LDLRAD4: variants seen among roughly 807,000 people sequenced by gnomAD.
LDLRAD4 encodes low density lipoprotein receptor class A domain containing 4.
A neutral mutation model predicts 17.0 loss-of-function variants in LDLRAD4; 5 were observed. The ratio of observed to expected loss-of-function variants is 0.29; its 90% CI spans 0.15 to 0.62. The LOEUF (loss-of-function observed/expected upper bound fraction) is 0.62, where lower values mean the gene tolerates loss of function less well. Ranked by LOEUF, LDLRAD4 falls within the 20% of genes least tolerant of loss-of-function variation. The pLI, the probability that LDLRAD4 is intolerant of heterozygous loss-of-function variation, is 0.84. For synonymous variants in LDLRAD4, 168 were observed against 171.8 expected (o/e 0.98, Z 0.17); for missense variants, 340 against 424.7 (o/e 0.80, Z 1.75).
chr18:13,636,979 A>C (rs1393310260), intron 4 of LDLRAD4, among the ~76,000 whole-genome samples: 1 of 143,992 alleles, frequency 6.9e-6, no homozygotes, highest in African/African-American at 2.6e-5. Context: ...TGTATTTTCA[A>C]TAGAGTCAGA....
intron 3 of LDLRAD4, among the ~76,000 whole-genome samples, chr18:13,495,111 A>T (rs76464542): frequency 6.6e-6 from 1 of 152,108 alleles, no homozygotes; most frequent in African/African-American, 2.4e-5. Context: ...GAATATACAT[A>T]TATGGGACTA....
intron 2 of LDLRAD4, among the ~76,000 whole-genome samples, chr18:13,389,799 AC>A (rs1320638543): frequency 6.6e-6 from 1 of 151,916 alleles, no homozygotes; most frequent in Non-Finnish European, 1.5e-5. Context: ...GAAAGGCCAA[AC>A]TGAGGCTCTG....
chr18:13,576,823 G>A (rs984562278), intron 3 of LDLRAD4, among the ~76,000 whole-genome samples: 1 of 152,248 alleles, frequency 6.6e-6, no homozygotes, highest in African/African-American at 2.4e-5. Context: ...TAGAGATGGC[G>A]ACAGTGTGGC....
At chr18:13,310,811 G>A (rs2047192833) in intron 1 of LDLRAD4, among the ~76,000 whole-genome samples, 1 of 152,198 alleles carries the variant, frequency 6.6e-6, no homozygotes, top group South Asian at 2.1e-4. Flanking sequence ...ATAAATTAAT[G>A]TATTTATTTT....
At chr18:13,390,535 A>AAG (rs2086189330) in intron 2 of LDLRAD4, among the ~76,000 whole-genome samples, 2 of 152,004 alleles carry the variant, frequency 1.3e-5, no homozygotes, top group Admixed American at 1.3e-4. Flanking sequence ...CTAAATCAGG[A>AAG]CTCTCATCCT....
chr18:13,637,513 T>TA (rs2042177078), intron 4 of LDLRAD4, among the ~76,000 whole-genome samples: 1 of 152,060 alleles, frequency 6.6e-6, no homozygotes, highest in African/African-American at 2.4e-5. Flanking sequence ...GAATACTGTT[T>TA]AAAAAAATAA....
intron 2 of LDLRAD4, chr18:13,427,300 C>T (rs2090014907): frequency 2.0e-5 from 3 of 152,610 alleles, no homozygotes; most frequent in Admixed American, 2.0e-4. Context: ...GGATTCTAGG[C>T]AGATGCCATG....
intron 4 of LDLRAD4, among the ~76,000 whole-genome samples, chr18:13,635,968 T>TGTGTGTGTGTGA (rs1344178358): frequency 1.5e-3 from 226 of 147,946 alleles, no homozygotes; most frequent in African/African-American, 5.2e-3. Flanking sequence ...TGTGTGTGTG[T>TGTGTGTGTGTGA]GATTGTGCCT....
At chr18:13,309,739 G>A (rs2047122760) in intron 1 of LDLRAD4, among the ~76,000 whole-genome samples, 2 of 152,130 alleles carry the variant, frequency 1.3e-5, no homozygotes, top group South Asian at 4.2e-4. Context: ...AGTGGGGTCT[G>A]AGGGACAGTG....
chr18:13,430,673 A>C (rs570901284), intron 2 of LDLRAD4, among the ~76,000 whole-genome samples: 161 of 152,340 alleles, frequency 1.1e-3, no homozygotes, highest in South Asian at 3.7e-3. Flanking sequence ...ACATGCATAC[A>C]TACACATATG....
At chr18:13,439,345 C>T (rs939070975) in intron 3 of LDLRAD4, among the ~76,000 whole-genome samples, 3 of 152,152 alleles carry the variant, frequency 2.0e-5, no homozygotes, top group African/African-American at 4.8e-5. Flanking sequence ...GGGCAAGTTA[C>T]GTATGTCCCC....
At chr18:13,345,866 A>G (rs551319052) in intron 1 of LDLRAD4, among the ~76,000 whole-genome samples, 16 of 152,168 alleles carry the variant, frequency 1.1e-4, no homozygotes, top group Non-Finnish European at 1.8e-4. Context: ...TTATTTGCAT[A>G]GAGGTGTTTA....
chr18:13,324,452 AT>A (rs1599414003), intron 1 of LDLRAD4, among the ~76,000 whole-genome samples: 1 of 151,982 alleles, frequency 6.6e-6, no homozygotes, highest in South Asian at 2.1e-4. Context: ...TCAAGTGTCT[AT>A]TTTTTGACAA....
intron 1 of LDLRAD4, among the ~76,000 whole-genome samples, chr18:13,337,740 T>TAAAAAAAAAAAAAAAAAAAAAAA (rs5823248): frequency 4.4e-5 from 6 of 135,730 alleles, no homozygotes; most frequent in African/African-American, 1.8e-4. Context: ...TTACAAAAAG[T>TAAAAAAAAAAAAAAAAAAAAAAA]AAAAAAAAAA....
At chr18:13,404,169 G>C (rs567123771) in intron 2 of LDLRAD4, among the ~76,000 whole-genome samples, 2 of 152,342 alleles carry the variant, frequency 1.3e-5, no homozygotes, top group African/African-American at 4.8e-5. Flanking sequence ...GCTGGGAGGC[G>C]CCCTGGAGGA....
intron 2 of LDLRAD4, among the ~76,000 whole-genome samples, chr18:13,393,968 C>A (rs2086467866): frequency 6.6e-6 from 1 of 152,210 alleles, no homozygotes; most frequent in African/African-American, 2.4e-5. Flanking sequence ...TCCATGTAAT[C>A]TTTTGTGATG....
rs372189310 is a variant in LDLRAD4 at position 13,247,955 on chromosome 18, C to CGCA, written c.-467+28967_-467+28968insGCA. Among the ~76,000 whole-genome samples, 8 of 130,246 alleles carry CGCA rather than the reference C, an allele frequency of 6.1e-5. No individual in the cohort carries two copies. The South Asian group carries it at 1.9e-3, about 31-fold the overall frequency. 85.4% of individuals were successfully genotyped at this position (130,246 alleles called of 152,430 possible). On this transcript the variant is annotated intron_variant, in intron 1 of 5. Coordinates refer to the LDLRAD4 transcript ENST00000399848. The stretch of plus-strand genomic sequence containing the variant: ...TGTCCAACTGCACACAGCGCCGCCC[C>CGCA]CCGCCTTTTTTTTTTTTTTTTTAAA...
intron 1 of LDLRAD4, among the ~76,000 whole-genome samples, chr18:13,305,544 G>T (rs1371506004): frequency 6.6e-6 from 1 of 152,176 alleles, no homozygotes; most frequent in Non-Finnish European, 1.5e-5. Flanking sequence ...AATACCATAA[G>T]CCTCGAAGAG....
At chr18:13,336,351 G>A (rs927800529) in intron 1 of LDLRAD4, among the ~76,000 whole-genome samples, 1 of 152,134 alleles carries the variant, frequency 6.6e-6, no homozygotes, top group African/African-American at 2.4e-5. Context: ...GGTCCATTTT[G>A]GAATGGCCTG....
Sources: gnomAD v4.1 joint callset for allele counts (sites outside exome capture counted in the v4.1 genomes callset) on GRCh38, gnomAD v4.1.1 for gene constraint, MANE v1.5 for transcripts, NCBI Gene and HGNC (gene_info 2026-07-23, HGNC 2026-07-21) for gene names.